Variants in DNMT3A observed in about 807,000 individuals in gnomAD.
DNMT3A encodes the protein DNA methyltransferase 3 alpha.
A neutral mutation model predicts 117.6 loss-of-function variants in DNMT3A; 267 were observed. That is an observed-to-expected ratio of 2.27 (90% CI 2.05 to 2.51). DNMT3A has a LOEUF of 2.51. DNMT3A is among the 30% of genes most tolerant of loss of function. DNMT3A has a pLI of 0.00. For missense variants in DNMT3A, 1,029 were observed against 1,260.2 expected (o/e 0.82, Z 2.78); for synonymous variants, 432 against 474.8 (o/e 0.91, Z 1.17).
chr2:25,294,464 G>A lies in DNMT3A; in HGVS notation c.177+5675C>T, dbSNP rs960173895. Among the ~76,000 whole-genome samples, 1 of 152,122 alleles carries A rather than the reference G, an allele frequency of 6.6e-6. No individual in the cohort carries two copies. The highest frequency in any genetic ancestry group is 2.4e-5 in the African/African-American group (1 of 41,426). On this transcript the variant is annotated intron_variant, in intron 3 of 22. Transcript: ENST00000321117. This position sits in a 1 kb window ranked among gnomAD's most constrained non-coding sequence, Gnocchi z 4.7. Reference sequence around the variant, plus strand: ...CGCAGGAAGAAAAGCCACCTCTAGGGGTGGGCCAAGGGCTGCAGCCCAGGA... The same window carrying A: ...CGCAGGAAGAAAAGCCACCTCTAGGAGTGGGCCAAGGGCTGCAGCCCAGGA...
At chr2:25,248,518 G>A (rs771987192) in intron 6 of DNMT3A, among the ~76,000 whole-genome samples, 7 of 152,096 alleles carry the variant, frequency 4.6e-5, no homozygotes, top group South Asian at 4.2e-4. Flanking sequence ...TCAGCATATC[G>A]GTTGCCTACC....
chr2:25,300,744 T>TA (rs2033449526), intron 2 of DNMT3A, among the ~76,000 whole-genome samples: 1 of 47,522 alleles, frequency 2.1e-5, no homozygotes, highest in Non-Finnish European at 3.9e-5. Flanking sequence ...TATATATATA[T>TA]ATATATATAT....
intron 6 of DNMT3A, among the ~76,000 whole-genome samples, chr2:25,274,205 G>C (rs967661521): frequency 6.6e-6 from 1 of 152,114 alleles, no homozygotes; most frequent in Middle Eastern, 3.2e-3. Flanking sequence ...AGTCCTCCTT[G>C]AGTCCACCAG....
Position 25,341,211 on chromosome 2 carries a change from G to C in DNMT3A, c.-178+615C>G, listed in dbSNP as rs2035428026. Among the ~76,000 whole-genome samples the C allele has an allele frequency of 2.8e-5, 4 of 144,968 alleles. No homozygotes were observed. The South Asian group carries it at 6.3e-4, about 23-fold the overall frequency. On this transcript the variant is annotated intron_variant, in intron 1 of 22. Transcript: ENST00000321117. ...CCCGCGGGGCCGAGGAGGGCCGGGC[G>C]CCGGGGGGAGGGGCGGGGGGCCGGG... is the stretch of plus-strand genomic sequence containing the variant.
At chr2:25,262,208 A>C (rs918363049) in intron 6 of DNMT3A, among the ~76,000 whole-genome samples, 3 of 149,822 alleles carry the variant, frequency 2.0e-5, no homozygotes, top group Non-Finnish European at 4.4e-5. Context: ...AAAAAAAAAA[A>C]CCTGTCCCCA....
intron 6 of DNMT3A, among the ~76,000 whole-genome samples, chr2:25,249,052 T>G (rs1261136890): frequency 6.6e-6 from 1 of 152,198 alleles, no homozygotes; most frequent in Admixed American, 6.5e-5. Context: ...ATCCAAATAT[T>G]AATCAGGCAC....
chr2:25,275,913 G>C (rs2031371902), intron 4 of DNMT3A, among the ~76,000 whole-genome samples: 1 of 152,148 alleles, frequency 6.6e-6, no homozygotes, highest in South Asian at 2.1e-4. Flanking sequence ...CCCCAAAGGA[G>C]GAGCAGGAAG....
chr2:25,310,224 G>A (rs1237935911), intron 2 of DNMT3A, among the ~76,000 whole-genome samples: 1 of 152,030 alleles, frequency 6.6e-6, no homozygotes. Flanking sequence ...TTGGGGATCT[G>A]AGGTGGCCCT....
chr2:25,234,168 T>C lies in DNMT3A; in HGVS notation c.*111A>G. On this transcript the variant is annotated 3_prime_UTR_variant, in exon 23 of 23. Transcript: ENST00000321117. This position sits in a 1 kb window ranked among gnomAD's most constrained non-coding sequence, Gnocchi z 4.5. ...TTGTTTTAAATTCCTTTTTCTCTTC[T>C]GGGTGCTGATACTTCTCTCCATCCT... 6.8e-7 allele frequency: 1 copy of C among 1,462,148 alleles called. No individual in the cohort carries two copies. Among genetic ancestry groups the C allele is most frequent in the Non-Finnish European group, 9.1e-7 (1 of 1,098,936 alleles). The allele number at this position is 1,462,148 out of a possible 1,614,324, so 90.6% of individuals were successfully genotyped here.
chr2:25,275,669 G>A, intron 4 of DNMT3A, 126 bp from the exon 5 acceptor site: 1 of 1,029,868 alleles, frequency 9.7e-7, no homozygotes, highest in Non-Finnish European at 1.4e-6. Flanking sequence ...CCGTTTAGCT[G>A]TTCATGTGTT....
intron 1 of DNMT3A, among the ~76,000 whole-genome samples, chr2:25,320,063 C>T (rs1054079937): frequency 3.9e-5 from 6 of 152,200 alleles, no homozygotes; most frequent in Middle Eastern, 3.2e-3. Context: ...AGCCACTGTG[C>T]CCAGCCATGA....
Position 25,285,170 on chromosome 2 carries a change from C to T in DNMT3A, c.178-2459G>A, listed in dbSNP as rs1187676014. 2.6e-5 allele frequency among the ~76,000 whole-genome samples: 4 copies of T among 152,306 alleles called. No homozygotes were observed. In the East Asian group the frequency reaches 7.7e-4, roughly 29 times the overall value. On this transcript the variant is annotated intron_variant, in intron 3 of 22. Coordinates refer to ENST00000321117, the MANE Select transcript of DNMT3A (RefSeq NM_022552.5). ...AATGTGCAGAGATACTGCCAAATTCCCTCCAGAGTTTCCCACCACTCAAGT... is the reference window on the plus strand; with the variant it reads ...AATGTGCAGAGATACTGCCAAATTCTCTCCAGAGTTTCCCACCACTCAAGT...
chr2:25,333,117 A>G (rs2035075451), intron 1 of DNMT3A, among the ~76,000 whole-genome samples: 1 of 152,326 alleles, frequency 6.6e-6, no homozygotes, highest in African/African-American at 2.4e-5. Flanking sequence ...TAAGAGAAAA[A>G]GGGACAACTT....
At chr2:25,300,817 C>T (rs536937755) in intron 2 of DNMT3A, among the ~76,000 whole-genome samples, 12 of 126,308 alleles carry the variant, frequency 9.5e-5, no homozygotes, top group South Asian at 2.5e-4. Context: ...GCTGTCCCCC[C>T]GGAAGGCATC....
intron 3 of DNMT3A, among the ~76,000 whole-genome samples, chr2:25,292,393 G>C (rs1331666370): frequency 6.6e-6 from 1 of 152,052 alleles, no homozygotes; most frequent in Non-Finnish European, 1.5e-5. Flanking sequence ...CATTACGTAT[G>C]AGAGATCCCA....
intron 6 of DNMT3A, among the ~76,000 whole-genome samples, chr2:25,269,295 C>A (rs1180998068): frequency 1.3e-5 from 2 of 152,194 alleles, no homozygotes; most frequent in Non-Finnish European, 2.9e-5. Flanking sequence ...CACCACTGCA[C>A]CCCAGCCTGG....
At chr2:25,235,680 A>G (rs759594163) in intron 22 of DNMT3A, 27 bp downstream of exon 22, 3 of 1,585,256 alleles carry the variant, frequency 1.9e-6, no homozygotes, top group Admixed American at 3.4e-5. Context: ...GCCACACCGC[A>G]GCCAGATGCC....
rs2033663982 is a variant in DNMT3A, at chr2:25,304,097, A to C, written c.73-3854T>G. ...AACACAGTTCGCGGGAACAGATTTG[A>C]GCCCAGGTTGGTTTCCTCATCTGTC... On this transcript the variant is annotated intron_variant, in intron 2 of 22. Coordinates refer to ENST00000321117, the MANE Select transcript of DNMT3A (RefSeq NM_022552.5). The surrounding 1 kb of genome is among the most constrained non-coding windows in gnomAD (Gnocchi z 4.3). Among the ~76,000 whole-genome samples, 1 of 152,144 alleles carries C rather than the reference A, an allele frequency of 6.6e-6. No individual in the cohort carries two copies. Among genetic ancestry groups the C allele is most frequent in the African/African-American group, 2.4e-5 (1 of 41,414 alleles).
chr2:25,315,036 G>A (rs764414925), intron 1 of DNMT3A, among the ~76,000 whole-genome samples: 1 of 152,192 alleles, frequency 6.6e-6, no homozygotes, highest in Non-Finnish European at 1.5e-5. Flanking sequence ...CCCCGGAGGA[G>A]GCGGCCGCCA....
Sources: allele counts gnomAD v4.1 joint callset (sites outside exome capture counted in the v4.1 genomes callset), GRCh38; gene constraint gnomAD v4.1.1; non-coding constraint Gnocchi (gnomAD v3.1); transcripts MANE v1.5; gene names NCBI Gene and HGNC (gene_info 2026-07-23, HGNC 2026-07-21).